MED13: variants seen among roughly 807,000 people sequenced by gnomAD.
MED13 encodes the protein mediator complex subunit 13.
Under a neutral mutation model 225.2 loss-of-function variants are expected in MED13, and 23 were observed. The ratio of observed to expected loss-of-function variants is 0.10; its 90% CI spans 0.07 to 0.14. The LOEUF is 0.14. Ranked by LOEUF, MED13 falls within the 10% of genes least tolerant of loss-of-function variation. The probability of loss-of-function intolerance (pLI) is 1.00; values close to 1 mark genes in which losing one functional copy is unlikely to be tolerated. For missense variants in MED13, 2,197 were observed against 2,594.5 expected (o/e 0.85, Z 3.33); for synonymous variants, 942 against 889.2 (o/e 1.06, Z -1.06).
chr17:61,995,216 T>G lies in MED13; in HGVS notation c.2117A>C (p.Glu706Ala). 6.2e-7 allele frequency: 1 copy of G among 1,613,846 alleles called. No homozygotes were observed. The highest frequency in any genetic ancestry group is 1.1e-5 in the South Asian group (1 of 91,058). The stretch of plus-strand genomic sequence containing the variant: ...ATCTTTTTTATCAGGAAAAAGGAAT[T>G]CCTCATCTCCTTCAACAAATGCATA... ...DPYAFVEGDE[E>A]FLFPDKKDRQ... The change falls in exon 10 of 30, where the codon GAA (glutamate) becomes GCA (alanine). Residue 706 changes from glutamate (E) to alanine (A), a missense_variant. This residue lies in a region of MED13 where 884 missense variants were observed against 918.5 expected (regional missense o/e 0.96). Coordinates refer to ENST00000397786, the MANE Select transcript of MED13 (RefSeq NM_005121.3).
At chr17:62,049,008 A>G (rs2080928281) in intron 3 of MED13, among the ~76,000 whole-genome samples, 1 of 149,916 alleles carries the variant, frequency 6.7e-6, no homozygotes, top group African/African-American at 2.5e-5. Flanking sequence ...GAGGATCTCA[A>G]AAGTATCACC....
chr17:61,961,768 A>G lies in MED13; in HGVS notation c.5076T>C (p.Cys1692=), dbSNP rs1567944568. 8 of 1,613,414 alleles carry G rather than the reference A, an allele frequency of 5.0e-6. No individual in the cohort carries two copies. Among genetic ancestry groups the G allele is most frequent in the Non-Finnish European group, 5.9e-6 (7 of 1,179,370 alleles). ...GCTTCACAGGTTGCAACAGGTACTG[A>G]CAAGGAATAATCTAAGAAGTATAGG... is the stretch of plus-strand genomic sequence containing the variant. ...KSTVSVQIIP[C]QYLLQPVKHE... Residue 1692 remains cysteine, a synonymous_variant, in exon 22 of 30, where the codon TGT becomes TGC. Coordinates refer to ENST00000397786, the MANE Select transcript of MED13 (RefSeq NM_005121.3).
intron 9 of MED13, among the ~76,000 whole-genome samples, chr17:61,999,162 C>T (rs1251404897): frequency 2.0e-5 from 3 of 152,054 alleles, no homozygotes; most frequent in East Asian, 1.9e-4. Flanking sequence ...ATAATGTATT[C>T]TACAACTATA....
At chr17:61,967,368 A>G (rs1000108887) in intron 18 of MED13, among the ~76,000 whole-genome samples, 1 of 152,232 alleles carries the variant, frequency 6.6e-6, no homozygotes, top group African/African-American at 2.4e-5. Context: ...TATTTATTAA[A>G]AACACACTAC....
Position 61,966,658 on chromosome 17 carries a change from A to T in MED13, c.4192-7T>A. On this transcript the variant is annotated splice_region_variant and splice_polypyrimidine_tract_variant and intron_variant, in intron 18 of 29. Transcript: ENST00000397786. Reference sequence around the variant, plus strand: ...GTTGACCTAATCGACAGGACTACAAATATACATACAGAAAGCAGAATTAGT... The same window carrying T: ...GTTGACCTAATCGACAGGACTACAATTATACATACAGAAAGCAGAATTAGT... The T allele has an allele frequency of 6.4e-7, 1 of 1,558,848 alleles. No individual in the cohort carries two copies. Among genetic ancestry groups the T allele is most frequent in the South Asian group, 1.2e-5 (1 of 82,842 alleles).
In MED13 at chr17:62,024,661, A is replaced by G. The variant is rs113731111; in HGVS notation, c.1283+4880T>C. Among the ~76,000 whole-genome samples, 581 of 152,258 alleles carry G rather than the reference A, an allele frequency of 3.8e-3. 4 individuals carry two copies. Among genetic ancestry groups the G allele is most frequent in the African/African-American group, 0.013 (545 of 41,562 alleles). On this transcript the variant is annotated intron_variant, in intron 8 of 29. Transcript: ENST00000397786. Reference sequence around the variant, plus strand: ...ACAGGTATTAAAGGACTAGTATCCAATAGTTATTTTTTCTGCTCCTCTCCC... The same window carrying G: ...ACAGGTATTAAAGGACTAGTATCCAGTAGTTATTTTTTCTGCTCCTCTCCC...
chr17:61,996,473 GTTC>G (rs2080347852), intron 9 of MED13, among the ~76,000 whole-genome samples: 1 of 152,030 alleles, frequency 6.6e-6, no homozygotes, highest in Non-Finnish European at 1.5e-5. Context: ...CCATCATCTT[GTTC>G]TTCTCCTCTT....
intron 20 of MED13, among the ~76,000 whole-genome samples, chr17:61,963,950 T>C (rs906702509): frequency 4.6e-5 from 7 of 152,224 alleles, no homozygotes; most frequent in Admixed American, 4.6e-4. Flanking sequence ...TAATGTATAT[T>C]ATATCATATT....
At chr17:61,985,340 T>C (rs1567959985) in intron 12 of MED13, among the ~76,000 whole-genome samples, 1 of 152,094 alleles carries the variant, frequency 6.6e-6, no homozygotes, top group Non-Finnish European at 1.5e-5. Context: ...GACCAATACT[T>C]TCAAAATACA....
intron 16 of MED13, among the ~76,000 whole-genome samples, chr17:61,977,039 A>C (rs528935698): frequency 5.3e-4 from 80 of 152,374 alleles, no homozygotes; most frequent in African/African-American, 1.8e-3. Context: ...TGTTAAAACT[A>C]AATAAACAAA....
chr17:62,049,066 C>T (rs1349855164), intron 3 of MED13, among the ~76,000 whole-genome samples: 2 of 51,788 alleles, frequency 3.9e-5, no homozygotes, highest in African/African-American at 2.9e-4. Context: ...ACCACCATAA[C>T]AGTAAATAAG....
rs60421231 is a variant in MED13, at chr17:62,012,327, CTTTTTTT to C, written c.1284-1101_1284-1095del. 3.2e-4 allele frequency among the ~76,000 whole-genome samples: 42 copies of C among 129,632 alleles called. No homozygotes were observed. The East Asian group carries it at 6.0e-3, about 19-fold the overall frequency. 85.0% of individuals were successfully genotyped at this position (129,632 alleles called of 152,430 possible). A position where few individuals can be genotyped will look rare whatever the true frequency, so the allele number is the denominator to read the frequency against. On this transcript the variant is annotated intron_variant, in intron 8 of 29. Transcript: ENST00000397786. ...ATAACATTATTTTTACACTAAGAAA[CTTTTTTT>C]TTTTTTTTTTTTGAGAGGGAGTTTC...
intron 21 of MED13, 65 bp downstream of exon 21, chr17:61,962,687 C>A: frequency 8.4e-6 from 12 of 1,420,566 alleles, no homozygotes; most frequent in Non-Finnish European, 1.2e-5. Flanking sequence ...AAAGTAGTAT[C>A]TGAAACTTCT....
intron 3 of MED13, among the ~76,000 whole-genome samples, chr17:62,037,905 G>C (rs941599368): frequency 1.7e-5 from 2 of 121,212 alleles, no homozygotes; most frequent in African/African-American, 3.0e-5. Flanking sequence ...GCAGTGGGTT[G>C]AGATCTTGCC....
chr17:61,995,549 A>G (rs2080340000), intron 9 of MED13, among the ~76,000 whole-genome samples, 184 bp from the exon 10 acceptor site: 1 of 152,232 alleles, frequency 6.6e-6, no homozygotes, highest in Non-Finnish European at 1.5e-5. Flanking sequence ...TTAGCCATAG[A>G]GAAATGGGGC....
chr17:61,950,081 G>A (rs565896580), intron 28 of MED13, among the ~76,000 whole-genome samples: 1 of 152,104 alleles, frequency 6.6e-6, no homozygotes, highest in Non-Finnish European at 1.5e-5. Flanking sequence ...AAAAGACCCA[G>A]GTTTCAGTCT....
intron 23 of MED13, among the ~76,000 whole-genome samples, chr17:61,956,989 A>T (rs970499229): frequency 1.3e-5 from 2 of 152,176 alleles, no homozygotes; most frequent in African/African-American, 4.8e-5. Context: ...TAATATATAA[A>T]TTTTTAAAAA....
intron 4 of MED13, among the ~76,000 whole-genome samples, chr17:62,034,836 C>T (rs2080788702): frequency 6.6e-6 from 1 of 151,890 alleles, no homozygotes; most frequent in Non-Finnish European, 1.5e-5. Flanking sequence ...TGGCTCTGGC[C>T]GGACATGGTG....
In MED13 at chr17:62,042,983, C is replaced by T. The variant is rs529042386; in HGVS notation, c.471-7375G>A. ...TGGTCAACATGGCCAGCAGAGAAAC[C>T]CCATCTCTACCTAAATTACAAAACT... On this transcript the variant is annotated intron_variant, in intron 3 of 29. Transcript: ENST00000397786. Among the ~76,000 whole-genome samples the T allele has an allele frequency of 4.8e-4, 72 of 151,394 alleles. No individual in the cohort carries two copies. The South Asian group carries it at 0.014, about 30-fold the overall frequency.
Sources: gnomAD v4.1 joint callset for allele counts (sites outside exome capture counted in the v4.1 genomes callset) on GRCh38, gnomAD v4.1.1 for gene constraint, gnomAD v4.1.1 regional missense constraint, MANE v1.5 for transcripts, NCBI Gene and HGNC (gene_info 2026-07-23, HGNC 2026-07-21) for gene names.